CELA2B: variants seen among roughly 807,000 people sequenced by gnomAD.
CELA2B encodes chymotrypsin like elastase 2B, also known as chymotrypsin-like elastase family member 2B.
Under a neutral mutation model 36.5 loss-of-function variants are expected in CELA2B, and 27 were observed. That is an observed-to-expected ratio of 0.74 (90% confidence interval 0.55 to 1.02). The LOEUF is 1.02. Among genes scored for constraint, CELA2B ranks in the 50% least tolerant of loss-of-function variants. The pLI is 0.00. For synonymous variants in CELA2B, 143 were observed against 148.5 expected (o/e 0.96, Z 0.27); for missense variants, 340 against 347.8 (o/e 0.98, Z 0.18).
chr1:15,476,566 T>G (rs1311187078), intron 2 of CELA2B, 21 bp downstream of exon 2: 1 of 1,608,852 alleles, frequency 6.2e-7, no homozygotes, highest in Non-Finnish European at 8.5e-7. Flanking sequence ...CACACTGTAC[T>G]TCTCCCCGTC....
intron 5 of CELA2B, among the ~76,000 whole-genome samples, chr1:15,485,575 C>G (rs905797635): frequency 2.0e-5 from 3 of 152,236 alleles, no homozygotes; most frequent in African/African-American, 7.2e-5. Flanking sequence ...CTACTTCATT[C>G]TTCTGCACAT....
rs148045474 is a variant in CELA2B, at chr1:15,484,848, T to C, written c.494-1053T>C. 4.8e-3 allele frequency among the ~76,000 whole-genome samples: 737 copies of C among 152,258 alleles called. 8 individuals carry two copies. Among genetic ancestry groups the C allele is most frequent in the East Asian group, 0.022 (113 of 5,182 alleles). On this transcript the variant is annotated intron_variant, in intron 5 of 7. Transcript: ENST00000375910. ...GAAATGCATCACACATTGCAAAATG[T>C]TACACAAGTGTTAATTACTTATTAA...
At chr1:15,489,158 G>A (rs747453849) in intron 7 of CELA2B, among the ~76,000 whole-genome samples, 8 of 152,208 alleles carry the variant, frequency 5.3e-5, no homozygotes, top group Admixed American at 2.6e-4. Context: ...GGGAGTCACC[G>A]TGCAGCTGGT....
At chr1:15,488,486 A>C (rs1417238715) in intron 7 of CELA2B, among the ~76,000 whole-genome samples, 1 of 152,244 alleles carries the variant, frequency 6.6e-6, no homozygotes, top group African/African-American at 2.4e-5. Flanking sequence ...CCCCGTCACA[A>C]GAAAGGGGAG....
At position 15,481,892 on chromosome 1, in the gene CELA2B, G is replaced by A. The variant is rs189277150; in HGVS notation, c.228-373G>A. ...GATTTCTCACTAACGGTGGGACTCC[G>A]GACCAGTTACTCCTCTCTGGGCCTC... is the stretch of plus-strand genomic sequence containing the variant. On this transcript the variant is annotated intron_variant, in intron 3 of 7. Transcript: ENST00000375910. 77 of 382,888 alleles carry A rather than the reference G, an allele frequency of 2.0e-4. No individual in the cohort carries two copies. In the East Asian group the frequency reaches 5.6e-3, roughly 28 times the overall value. 23.7% of individuals were successfully genotyped at this position (382,888 alleles called of 1,614,324 possible).
intron 6 of CELA2B, among the ~76,000 whole-genome samples, chr1:15,486,308 C>T (rs187758754): frequency 9.2e-5 from 14 of 152,250 alleles, no homozygotes; most frequent in African/African-American, 3.4e-4. Flanking sequence ...TGGTGAAATC[C>T]TGTCTCTACT....
chr1:15,478,567 T>G (rs1477748460), intron 2 of CELA2B, among the ~76,000 whole-genome samples: 2 of 28,840 alleles, frequency 6.9e-5, no homozygotes, highest in South Asian at 1.2e-3. Context: ...TTTAATGCAT[T>G]TTTTTTTTTT....
At chr1:15,487,737 T>G (rs1400412762) in intron 7 of CELA2B, among the ~76,000 whole-genome samples, 1 of 152,244 alleles carries the variant, frequency 6.6e-6, no homozygotes, top group African/African-American at 2.4e-5. Flanking sequence ...TGTGTATTTG[T>G]GTGTGGCCCA....
chr1:15,486,317 CTAAAAA>C (rs1708804124), intron 6 of CELA2B, among the ~76,000 whole-genome samples: 1 of 152,148 alleles, frequency 6.6e-6, no homozygotes, highest in Non-Finnish European at 1.5e-5. Flanking sequence ...CCTGTCTCTA[CTAAAAA>C]TAAAAATTAG....
In CELA2B at chr1:15,483,345, C is replaced by T. The variant is rs1708765848; in HGVS notation, c.438C>T (p.Gly146=). ...AGCTGGCCTGCCTCCCTCCTGCCGG[C>T]ACCATTCTACCCAACAACTACCCCT... The part of the protein sequence containing the change: ...KIQLACLPPA[G]TILPNNYPCY... The change falls in exon 5 of 8, where the codon GGC becomes GGT. Residue 146 remains glycine (G), a synonymous_variant. Transcript: ENST00000375910. 1 of 1,614,036 alleles carries T rather than the reference C, an allele frequency of 6.2e-7. No individual in the cohort carries two copies. Among genetic ancestry groups the T allele is most frequent in the African/African-American group, 1.3e-5 (1 of 74,950 alleles).
rs764901487 is a variant in CELA2B at position 15,487,285 on chromosome 1, G to A, written c.640G>A (p.Gly214Arg). 1.9e-6 allele frequency: 3 copies of A among 1,614,122 alleles called. No homozygotes were observed. The highest frequency in any genetic ancestry group is 2.2e-5 in the South Asian group (2 of 91,084). ...TCCCTATAACTCTGGCCTTCCTCAG[G>A]GAGACTCCGGTGGGCCGCTGAACTG... is the stretch of plus-strand genomic sequence containing the variant. Reference protein sequence around the residue: ...GGDGVICTCNGDSGGPLNCQA... With the variant: ...GGDGVICTCNRDSGGPLNCQA... The change falls in exon 7 of 8, where the codon GGA (glycine) becomes AGA (arginine). Residue 214 changes from glycine (G) to arginine (R), a missense_variant and splice_region_variant. Transcript: ENST00000375910.
intron 7 of CELA2B, 78 bp downstream of exon 7, chr1:15,487,515 A>ACTGAGAGCCC (rs1163131813): frequency 6.5e-7 from 1 of 1,549,496 alleles, no homozygotes; most frequent in African/African-American, 1.4e-5. Flanking sequence ...CCACCTGGCG[A>ACTGAGAGCCC]CTGAGAACCC....
rs137951823 is a variant in CELA2B at position 15,476,493 on chromosome 1, T to C, written c.77T>C (p.Met26Thr). 9.9e-6 allele frequency: 16 copies of C among 1,614,022 alleles called. No individual in the cohort carries two copies. Among genetic ancestry groups the C allele is most frequent in the Middle Eastern group, 1.6e-4 (1 of 6,080 alleles). Residue 26 changes from methionine to threonine, a missense_variant, in exon 2 of 8, where the codon ATG (methionine) becomes ACG (threonine). By Grantham distance (81) the Met-to-Thr change is moderately conservative. Transcript: ENST00000375910. ...SCGVSTYAPD[M>T]SRMLGGEEAR... ...GGGGTCTCCACTTACGCGCCTGATATGTCTAGGATGCTTGGAGGTGAAGAA... is the reference window on the plus strand; with the variant it reads ...GGGGTCTCCACTTACGCGCCTGATACGTCTAGGATGCTTGGAGGTGAAGAA...
intron 2 of CELA2B, among the ~76,000 whole-genome samples, chr1:15,477,317 C>T (rs1708685274): frequency 6.6e-6 from 1 of 152,132 alleles, no homozygotes; most frequent in Non-Finnish European, 1.5e-5. Context: ...GACTAAACTG[C>T]CGAGTGGGGC....
At position 15,485,942 on chromosome 1, in the gene CELA2B, CTGGTTGTGGACTA is replaced by C. The variant is rs942639242; in HGVS notation, c.538_550del (p.Val180ProfsTer13). 3 of 1,614,052 alleles carry C rather than the reference CTGGTTGTGGACTA, an allele frequency of 1.9e-6. No homozygotes were observed. The African/African-American group carries it at 4.0e-5, about 22-fold the overall frequency. ...TGATGACCTGAAGCAGGGCCAGTTGCTGGTTGTGGACTATGCCACCTGCTCCAGCTCTGGCTGG... is the reference window on the plus strand; with the variant it reads ...TGATGACCTGAAGCAGGGCCAGTTGCTGCCACCTGCTCCAGCTCTGGCTGG... On this transcript the variant is annotated frameshift_variant, in exon 6 of 8. Coordinates refer to ENST00000375910, the MANE Select transcript of CELA2B (RefSeq NM_015849.3). LOFTEE classifies it high-confidence loss of function.
Position 15,491,286 on chromosome 1 carries a change from G to T in CELA2B, c.793-9G>T. ...AACCTGACAATTTTCTTGTGTGTGTGTCCTGCAGGTGATTGCAAATAACTA... is the reference window on the plus strand; with the variant it reads ...AACCTGACAATTTTCTTGTGTGTGTTTCCTGCAGGTGATTGCAAATAACTA... On this transcript the variant is annotated splice_polypyrimidine_tract_variant and intron_variant, in intron 7 of 7. Transcript: ENST00000375910. 6.2e-7 allele frequency: 1 copy of T among 1,614,122 alleles called. No homozygotes were observed. Among genetic ancestry groups the T allele is most frequent in the South Asian group, 1.1e-5 (1 of 91,080 alleles).
intron 2 of CELA2B, among the ~76,000 whole-genome samples, chr1:15,478,332 C>T (rs1210271326): frequency 6.6e-6 from 1 of 151,840 alleles, no homozygotes; most frequent in Non-Finnish European, 1.5e-5. Context: ...CAACTTCTGC[C>T]TCCCAGGTTC....
At chr1:15,477,566 CATA>C (rs1487169530) in intron 2 of CELA2B, among the ~76,000 whole-genome samples, 2 of 152,154 alleles carry the variant, frequency 1.3e-5, no homozygotes, top group African/African-American at 4.8e-5. Flanking sequence ...AACCATGCCC[CATA>C]ATATCTCATC....
chr1:15,476,221 G>A, intron 1 of CELA2B, 56 bp downstream of exon 1: 1 of 1,611,444 alleles, frequency 6.2e-7, no homozygotes, highest in Non-Finnish European at 8.5e-7. Context: ...GGCTGGAAAT[G>A]GGATCTTCCT....
Sources: gnomAD v4.1 joint callset for allele counts (sites outside exome capture counted in the v4.1 genomes callset) on GRCh38, gnomAD v4.1.1 for gene constraint, MANE v1.5 for transcripts, NCBI Gene and HGNC (gene_info 2026-07-23, HGNC 2026-07-21) for gene names.